The following AFF3 variants were observed in gnomAD, a reference collection of about 807,000 sequenced individuals.
The protein encoded by AFF3 is AF4/FMR2 family member 3.
A neutral mutation model predicts 129.7 loss-of-function variants in AFF3; 32 were observed. The observed-to-expected ratio is 0.25, with a 90% CI of 0.19 to 0.33. The LOEUF is 0.33. AFF3 is among the 10% of genes least tolerant of loss of function. The pLI is 1.00. For missense variants in AFF3, 1,373 were observed against 1,592.0 expected (o/e 0.86, Z 2.34); for synonymous variants, 644 against 635.4 (o/e 1.01, Z -0.20).
chr2:99,581,438 T>A (rs762234912), intron 17 of AFF3, among the ~76,000 whole-genome samples: 2 of 152,162 alleles, frequency 1.3e-5, no homozygotes, highest in Non-Finnish European at 2.9e-5. Flanking sequence ...TCCAGCAACT[T>A]GTAATAATCT....
chr2:100,033,371 C>T (rs1043530327), intron 4 of AFF3, among the ~76,000 whole-genome samples: 1 of 152,184 alleles, frequency 6.6e-6, no homozygotes, highest in East Asian at 1.9e-4. Context: ...AATATCTGAG[C>T]TATGATAAGC....
rs71252505 is a variant in AFF3, at chr2:99,551,153, G to GGT, written c.*319_*320dup. 0.12 allele frequency: 52,034 copies of GGT among 437,642 alleles called. 1,228 individuals are homozygous for GGT. The highest frequency in any genetic ancestry group is 0.26 in the East Asian group (8,186 of 31,618). The allele number at this position is 437,642 out of a possible 1,614,324, so 27.1% of individuals were successfully genotyped here. A position where few individuals can be genotyped will look rare whatever the true frequency, so the allele number is the denominator to read the frequency against. On this transcript the variant is annotated 3_prime_UTR_variant, in exon 25 of 25. Coordinates refer to ENST00000672756, the MANE Select transcript of AFF3 (RefSeq NM_001386135.1). ...TGTCTGTGATTGTGTGTGAGTGTAC[G>GGT]GTGTGTGTGTGTGTGTGTGTGTGTG...
At chr2:100,073,447 C>T (rs1246713577) in intron 4 of AFF3, among the ~76,000 whole-genome samples, 2 of 152,204 alleles carry the variant, frequency 1.3e-5, no homozygotes, top group East Asian at 1.9e-4. Context: ...CCAGCCTTGC[C>T]AACACCTTCC....
chr2:100,011,397 G>C (rs1559055253), intron 4 of AFF3: 1 of 768,640 alleles, frequency 1.3e-6, no homozygotes, highest in Non-Finnish European at 2.4e-6. Context: ...CACAAGACTG[G>C]TGTGATGCAC....
chr2:99,942,110 G>A (rs896745617), intron 7 of AFF3, among the ~76,000 whole-genome samples: 2 of 152,098 alleles, frequency 1.3e-5, no homozygotes, highest in Non-Finnish European at 1.5e-5. Flanking sequence ...CTAGTGAATC[G>A]TTCAGCACTT....
chr2:99,914,934 A>T (rs1045639176), intron 7 of AFF3, among the ~76,000 whole-genome samples: 1 of 151,756 alleles, frequency 6.6e-6, no homozygotes, highest in Non-Finnish European at 1.5e-5. Context: ...ATTAATTAAA[A>T]TAAAATAAAA....
At chr2:99,807,128 T>C (rs1366250023) in intron 8 of AFF3, among the ~76,000 whole-genome samples, 2 of 152,116 alleles carry the variant, frequency 1.3e-5, no homozygotes, top group African/African-American at 2.4e-5. Context: ...CGAGAGAAAG[T>C]TGCTGTTCCC....
At chr2:99,715,776 G>A (rs908554303) in intron 11 of AFF3, among the ~76,000 whole-genome samples, 16 of 151,454 alleles carry the variant, frequency 1.1e-4, no homozygotes, top group African/African-American at 3.2e-4. Context: ...GGTTCACGCC[G>A]TTCTTCTGCC....
At chr2:99,786,412 C>T (rs1684796151) in intron 8 of AFF3, among the ~76,000 whole-genome samples, 1 of 152,168 alleles carries the variant, frequency 6.6e-6, no homozygotes, top group African/African-American at 2.4e-5. Flanking sequence ...TAAAGATTAA[C>T]ACGGCCATAA....
intron 7 of AFF3, among the ~76,000 whole-genome samples, chr2:99,844,885 T>G (rs1162563507): frequency 6.6e-6 from 1 of 152,082 alleles, no homozygotes; most frequent in South Asian, 2.1e-4. Flanking sequence ...GACCAGTTCC[T>G]AGCAGAGAAC....
At chr2:99,874,593 T>A (rs780879305) in intron 7 of AFF3, among the ~76,000 whole-genome samples, 1 of 152,204 alleles carries the variant, frequency 6.6e-6, no homozygotes, top group South Asian at 2.1e-4. Flanking sequence ...TAAAAACTTG[T>A]GTGATTTTTT....
intron 19 of AFF3, among the ~76,000 whole-genome samples, chr2:99,568,353 TTC>T (rs1309064315): frequency 2.0e-5 from 3 of 152,268 alleles, no homozygotes; most frequent in Non-Finnish European, 2.9e-5. Flanking sequence ...AGAAAAGTTA[TTC>T]TTTGAAAACA....
intron 13 of AFF3, among the ~76,000 whole-genome samples, chr2:99,640,163 A>G (rs568921466): frequency 6.6e-6 from 1 of 152,280 alleles, no homozygotes; most frequent in African/African-American, 2.4e-5. Flanking sequence ...AATAGAAGGG[A>G]TATTTCTTAG....
chr2:99,765,555 A>G (rs1412149726), intron 8 of AFF3, among the ~76,000 whole-genome samples: 15 of 152,228 alleles, frequency 9.9e-5, no homozygotes. Flanking sequence ...GTAAATTGGT[A>G]TCAATCATTC....
At chr2:99,983,508 C>T (rs1330610252) in intron 7 of AFF3, among the ~76,000 whole-genome samples, 3 of 152,164 alleles carry the variant, frequency 2.0e-5, no homozygotes, top group African/African-American at 7.2e-5. Context: ...AAATACTTGA[C>T]AACATCTCTG....
intron 8 of AFF3, among the ~76,000 whole-genome samples, chr2:99,759,811 C>T (rs533951825): frequency 1.3e-4 from 20 of 152,274 alleles, no homozygotes; most frequent in Admixed American, 3.9e-4. Flanking sequence ...TAAAATTTCA[C>T]ACTAGAATTG....
chr2:100,121,111 C>G (rs992307853), intron 2 of AFF3, among the ~76,000 whole-genome samples: 4 of 152,124 alleles, frequency 2.6e-5, no homozygotes, highest in Non-Finnish European at 5.9e-5. Flanking sequence ...GGTGAGGGCC[C>G]CACTCTCAAG....
intron 18 of AFF3, among the ~76,000 whole-genome samples, chr2:99,576,337 C>T (rs537299069): frequency 3.4e-5 from 5 of 145,122 alleles, no homozygotes; most frequent in South Asian, 2.2e-4. Context: ...AGCCGTGAGA[C>T]GCTTTTTCTA....
intron 12 of AFF3, among the ~76,000 whole-genome samples, chr2:99,651,122 G>A (rs1685209077): frequency 6.8e-6 from 1 of 147,550 alleles, no homozygotes; most frequent in South Asian, 2.2e-4. Flanking sequence ...GCAGTGAGCT[G>A]AGATCGCGCC....
Sources: gnomAD v4.1 joint callset for allele counts (sites outside exome capture counted in the v4.1 genomes callset) on GRCh38, gnomAD v4.1.1 for gene constraint, MANE v1.5 for transcripts, NCBI Gene and HGNC (gene_info 2026-07-23, HGNC 2026-07-21) for gene names.